Variants in GAS6 observed in about 807,000 individuals in gnomAD.
GAS6 encodes the protein growth arrest specific 6.
In GAS6, 41 loss-of-function variants were observed where a neutral mutation model predicts 75.8. The observed-to-expected ratio is 0.54, with a 90% confidence interval of 0.42 to 0.70. GAS6 has a LOEUF of 0.70. Among genes scored for constraint, GAS6 ranks in the 30% least tolerant of loss-of-function variants. The pLI, the probability that GAS6 is intolerant of heterozygous loss-of-function variation, is 0.00. For missense variants in GAS6, 854 were observed against 940.2 expected (o/e 0.91, Z 1.20); for synonymous variants, 432 against 412.6 (o/e 1.05, Z -0.57).
intron 2 of GAS6, among the ~76,000 whole-genome samples, chr13:113,852,500 A>C (rs1566372792): frequency 6.6e-6 from 1 of 152,154 alleles, no homozygotes. Context: ...GGGGTCTAAC[A>C]TGAGGCCCCA....
At chr13:113,854,671 G>A (rs2051900532) in intron 2 of GAS6, among the ~76,000 whole-genome samples, 1 of 152,262 alleles carries the variant, frequency 6.6e-6, no homozygotes, top group Non-Finnish European at 1.5e-5. Flanking sequence ...CTGTCTTTCA[G>A]GGCAAGCCCC....
At chr13:113,861,108 G>A (rs2051967696) in intron 2 of GAS6, among the ~76,000 whole-genome samples, 2 of 152,210 alleles carry the variant, frequency 1.3e-5, no homozygotes, top group Admixed American at 6.5e-5. Flanking sequence ...CCAGGAAGAT[G>A]CCCCAGCAAG....
chr13:113,855,598 G>C (rs140570817), intron 2 of GAS6, among the ~76,000 whole-genome samples: 5 of 152,302 alleles, frequency 3.3e-5, no homozygotes, highest in African/African-American at 1.2e-4. Flanking sequence ...CAACGCGCAG[G>C]GGCCTGGCAG....
intron 4 of GAS6, chr13:113,840,877 G>C (rs2051767921): frequency 6.6e-6 from 1 of 152,274 alleles, no homozygotes; most frequent in South Asian, 2.1e-4. Context: ...GGCTGAGAGA[G>C]GGCTCCGGTC....
chr13:113,843,589 G>A (rs182292749), intron 4 of GAS6: 1,528 of 151,454 alleles, frequency 0.01, 46 homozygotes, highest in Non-Finnish European at 0.015. Flanking sequence ...CAGGACGGGC[G>A]CGTTCGCAGT....
At chr13:113,835,357 T>A (rs1255220344) in intron 7 of GAS6, among the ~76,000 whole-genome samples, 156 bp downstream of exon 7, 1 of 151,606 alleles carries the variant, frequency 6.6e-6, no homozygotes, top group Admixed American at 6.6e-5. Flanking sequence ...GGCATGGTGG[T>A]AGCACAGGCC....
At position 113,821,774 on chromosome 13, in the gene GAS6, A is replaced by G. The variant is rs1040751407; in HGVS notation, c.1882+184T>C. The G allele has an allele frequency of 1.5e-5, 9 of 580,998 alleles. No homozygotes were observed. In the African/African-American group the frequency reaches 1.7e-4, roughly 11 times the overall value. 36.0% of individuals were successfully genotyped at this position (580,998 alleles called of 1,614,324 possible). The stretch of plus-strand genomic sequence containing the variant: ...TTTCTCAGTCTCAGCCAATGACCTG[A>G]CCAGCACCGAGACACCATAATAGCC... On this transcript the variant is annotated intron_variant, in intron 14 of 14. Transcript: ENST00000327773.
chr13:113,831,442 G>A (rs1276343846), intron 10 of GAS6, among the ~76,000 whole-genome samples: 2 of 152,196 alleles, frequency 1.3e-5, no homozygotes, highest in African/African-American at 4.8e-5. Context: ...CTGGGCTGTG[G>A]TGCGGGTTCA....
Position 113,863,666 on chromosome 13 carries a change from T to G in GAS6, c.164A>C (p.Glu55Ala). 1 of 1,521,826 alleles carries G rather than the reference T, an allele frequency of 6.6e-7. No homozygotes were observed. The highest frequency in any genetic ancestry group is 8.8e-7 in the Non-Finnish European group (1 of 1,134,814). 94.3% of individuals were successfully genotyped at this position (1,521,826 alleles called of 1,614,324 possible). The change falls in exon 2 of 15, where the codon GAG (glutamate) becomes GCG (alanine). Residue 55 changes from glutamate (E) to alanine (A), a missense_variant. Physicochemically the swap from Glu to Ala is moderately radical, Grantham distance 107. Transcript: ENST00000327773. This position sits in a 1 kb window ranked among gnomAD's most constrained non-coding sequence, Gnocchi z 9.4. ...RQRRAFQVFE[E>A]AKQGHLEREC... ...CCTCTCCAGGTGGCCCTGCTTGGCC[T>G]CCTCGAAGACCTGAAAGGCGCGGCG...
chr13:113,825,107 A>C (rs774222663), intron 12 of GAS6, among the ~76,000 whole-genome samples: 5 of 151,724 alleles, frequency 3.3e-5, no homozygotes, highest in Non-Finnish European at 2.9e-5. Flanking sequence ...AATCCCATCT[A>C]CTCGGGAGGC....
chr13:113,851,341 G>A (rs1287247824), intron 2 of GAS6, among the ~76,000 whole-genome samples: 1 of 150,646 alleles, frequency 6.6e-6, no homozygotes, highest in Non-Finnish European at 1.5e-5. Context: ...GTGGGTGGAT[G>A]GGTGAGTGAA....
In GAS6 at chr13:113,832,664, C is replaced by T. The variant is rs145302934; in HGVS notation, c.923G>A (p.Arg308Gln). 4.6e-5 allele frequency: 74 copies of T among 1,612,764 alleles called. No individual in the cohort carries two copies. The highest frequency in any genetic ancestry group is 2.1e-4 in the South Asian group (19 of 91,084). Residue 308 changes from arginine to glutamine, a missense_variant, in exon 9 of 15, where the codon CGA becomes CAA. Arg to Gln is a conservative substitution (Grantham distance 43). Coordinates refer to ENST00000327773, the MANE Select transcript of GAS6 (RefSeq NM_000820.4). ...GGGCTGCAGCCTCTTGAAGCGCAGT[C>T]GGATCACGGGGGTCCCACTGAACAT... ...GRMFSGTPVI[R>Q]LRFKRLQPTR...
intron 11 of GAS6, among the ~76,000 whole-genome samples, chr13:113,827,739 C>T (rs1030794378): frequency 6.6e-6 from 1 of 152,206 alleles, no homozygotes; most frequent in African/African-American, 2.4e-5. Context: ...GCGTGCCTTT[C>T]TCCTGCCTGG....
chr13:113,859,264 CTG>C (rs999048873), intron 2 of GAS6, among the ~76,000 whole-genome samples: 15 of 145,908 alleles, frequency 1.0e-4, no homozygotes, highest in East Asian at 4.1e-4. Context: ...GTCTGTGTGA[CTG>C]TGTAGGTACA....
At position 113,846,564 on chromosome 13, in the gene GAS6, C is replaced by T. The variant is rs373068496; in HGVS notation, c.306G>A (p.Pro102=). The stretch of plus-strand genomic sequence containing the variant: ...TGGCGAAGCCTGAGTTTTTGGTGTA[C>T]GGAGACCCATACTTGTTGATGCAGT... The part of the protein sequence containing the change: ...YLDCINKYGS[P]YTKNSGFATC... Residue 102 remains proline (P), a synonymous_variant, in exon 4 of 15, where the codon CCG becomes CCA. Coordinates refer to ENST00000327773, the MANE Select transcript of GAS6 (RefSeq NM_000820.4). The T allele has an allele frequency of 5.5e-5, 89 of 1,613,956 alleles. No homozygotes were observed. The South Asian group carries it at 7.8e-4, about 14-fold the overall frequency.
Position 113,863,447 on chromosome 13 carries a change from C to T in GAS6, c.255+128G>A. The T allele has an allele frequency of 1.1e-6, 1 of 891,166 alleles. No homozygotes were observed. Among genetic ancestry groups the T allele is most frequent in the African/African-American group, 1.8e-5 (1 of 56,610 alleles). 55.2% of individuals were successfully genotyped at this position (891,166 alleles called of 1,614,324 possible). A position where few individuals can be genotyped will look rare whatever the true frequency, so the allele number is the denominator to read the frequency against. Reference sequence around the variant, plus strand: ...GTGGGGGACGCGGGGCGGGCCGGGGCTCCTGGGACCCTGAGGCCAGGCCTC... The same window carrying T: ...GTGGGGGACGCGGGGCGGGCCGGGGTTCCTGGGACCCTGAGGCCAGGCCTC... On this transcript the variant is annotated intron_variant, in intron 2 of 14. Coordinates refer to ENST00000327773, the MANE Select transcript of GAS6 (RefSeq NM_000820.4). The surrounding 1 kb of genome is among the most constrained non-coding windows in gnomAD (Gnocchi z 9.4).
rs1212997648 is a variant in GAS6, at chr13:113,845,608, T to C, written c.343+919A>G. 2 of 141,190 alleles carry C rather than the reference T, an allele frequency of 1.4e-5. No homozygotes were observed. The highest frequency in any genetic ancestry group is 3.0e-5 in the Non-Finnish European group (2 of 67,300). The allele number at this position is 141,190 out of a possible 1,614,324, so 8.7% of individuals were successfully genotyped here. On this transcript the variant is annotated intron_variant, in intron 4 of 14. Transcript: ENST00000327773. This position sits in a 1 kb window ranked among gnomAD's most constrained non-coding sequence, Gnocchi z 4.3. ...GACTTGTGGCAAGCTGAAAAAATTT[T>C]TGATAACTTTACTACCAATGGCTAA... is the stretch of plus-strand genomic sequence containing the variant.
intron 4 of GAS6, chr13:113,842,813 C>G: frequency 5.0e-6 from 2 of 396,876 alleles, no homozygotes. Context: ...GGACACCTGC[C>G]CATGTGATGC....
chr13:113,830,671 C>T (rs12854267), intron 10 of GAS6, among the ~76,000 whole-genome samples: 12 of 90,806 alleles, frequency 1.3e-4, no homozygotes, highest in Admixed American at 3.2e-4. Flanking sequence ...CTCCCCCAGG[C>T]GACCTCGCCT....
Sources: gnomAD v4.1 joint callset for allele counts (sites outside exome capture counted in the v4.1 genomes callset) on GRCh38, gnomAD v4.1.1 for gene constraint, Gnocchi (gnomAD v3.1) non-coding constraint, MANE v1.5 for transcripts, NCBI Gene and HGNC (gene_info 2026-07-23, HGNC 2026-07-21) for gene names.